The following FRAS1 variants were observed in gnomAD, a reference collection of about 807,000 sequenced individuals.
The protein encoded by FRAS1 is extracellular matrix organizing protein FRAS1.
Under a neutral mutation model 435.2 loss-of-function variants are expected in FRAS1, and 290 were observed. That is an observed-to-expected ratio of 0.67 (90% CI 0.61 to 0.73). The LOEUF (loss-of-function observed/expected upper bound fraction) is 0.73. FRAS1 is among the 30% of genes least tolerant of loss of function. The pLI is 0.00. For synonymous variants in FRAS1, 1,800 were observed against 1,851.0 expected (o/e 0.97, Z 0.71); for missense variants, 4,860 against 5,001.5 (o/e 0.97, Z 0.85).
At chr4:78,189,424 G>A (rs114202282) in intron 2 of FRAS1, among the ~76,000 whole-genome samples, 241 of 152,262 alleles carry the variant, frequency 1.6e-3, no homozygotes, top group African/African-American at 5.6e-3. Flanking sequence ...GAACTTCCCT[G>A]TGTCTTCTTG....
intron 20 of FRAS1, among the ~76,000 whole-genome samples, chr4:78,344,586 A>ATTTT (rs112149675): frequency 0.093 from 13,128 of 141,532 alleles, 747 homozygotes; most frequent in African/African-American, 0.13. Context: ...CTCAAGAATG[A>ATTTT]TTTTTTTTTT....
intron 38 of FRAS1, among the ~76,000 whole-genome samples, chr4:78,434,882 A>G (rs1375274590): frequency 6.6e-6 from 1 of 152,236 alleles, no homozygotes; most frequent in Non-Finnish European, 1.5e-5. Flanking sequence ...ACAGATGTTT[A>G]AAACGTATTA....
At chr4:78,518,454 T>TATATATATA (rs1560423230) in intron 66 of FRAS1, among the ~76,000 whole-genome samples, 100 of 100,816 alleles carry the variant, frequency 9.9e-4, no homozygotes, top group African/African-American at 3.6e-3. Flanking sequence ...ATATATATAT[T>TATATATATA]TATTTATTTA....
At chr4:78,329,088 C>A (rs1729831323) in intron 18 of FRAS1, among the ~76,000 whole-genome samples, 1 of 152,214 alleles carries the variant, frequency 6.6e-6, no homozygotes, top group African/African-American at 2.4e-5. Context: ...CTCTCAGTAT[C>A]AACGTAGACC....
intron 40 of FRAS1, among the ~76,000 whole-genome samples, chr4:78,440,224 G>A (rs939911157): frequency 4.0e-5 from 6 of 151,368 alleles, no homozygotes; most frequent in Admixed American, 6.6e-5. Context: ...AGTAGAGACG[G>A]GGTTTCACCT....
intron 4 of FRAS1, among the ~76,000 whole-genome samples, chr4:78,249,230 G>A (rs1307963384): frequency 6.7e-6 from 1 of 149,284 alleles, no homozygotes; most frequent in East Asian, 2.0e-4. Context: ...TTGTCTCCTG[G>A]AGAGATGTGA....
intron 22 of FRAS1, among the ~76,000 whole-genome samples, chr4:78,365,013 A>G (rs6832281): frequency 0.17 from 25,397 of 152,108 alleles, 2,717 homozygotes; most frequent in East Asian, 0.34. Context: ...GATAATAACA[A>G]TACCTACATT....
intron 2 of FRAS1, among the ~76,000 whole-genome samples, chr4:78,168,079 G>A (rs1210887631): frequency 6.6e-6 from 1 of 151,906 alleles, no homozygotes; most frequent in Non-Finnish European, 1.5e-5. Flanking sequence ...AGTGATAACT[G>A]TTCACATGTG....
chr4:78,250,042 ATATAATTTAAAGAC>A (rs1393396915), intron 4 of FRAS1, among the ~76,000 whole-genome samples: 5 of 152,232 alleles, frequency 3.3e-5, no homozygotes, highest in South Asian at 4.2e-4. Context: ...AGTCAAATAT[ATATAATTTAAAGAC>A]TATAGTCTTT....
chr4:78,226,076 A>T (rs1458195689), intron 2 of FRAS1, among the ~76,000 whole-genome samples: 2 of 152,128 alleles, frequency 1.3e-5, no homozygotes, highest in African/African-American at 4.8e-5. Context: ...GTTACCCTAG[A>T]TATTACAATG....
chr4:78,358,364 C>A (rs1260841361), intron 20 of FRAS1, among the ~76,000 whole-genome samples: 1 of 152,132 alleles, frequency 6.6e-6, no homozygotes, highest in African/African-American at 2.4e-5. Flanking sequence ...TCATAAATGG[C>A]TCTTGAAATA....
rs756636403 is a variant in FRAS1 at position 78,278,749 on chromosome 4, G to A, written c.1071+5G>A. 2.4e-5 allele frequency: 37 copies of A among 1,517,612 alleles called. No homozygotes were observed. The highest frequency in any genetic ancestry group is 1.7e-4 in the South Asian group (15 of 87,814). 94.0% of individuals were successfully genotyped at this position (1,517,612 alleles called of 1,614,324 possible). On this transcript the variant is annotated splice_donor_5th_base_variant and intron_variant, in intron 10 of 73. Transcript: ENST00000512123. ...TATGAAGAAACTGGAGAATTTGTGAGTATCAGGCTTATAACCGAAGATGAT... is the reference window on the plus strand; with the variant it reads ...TATGAAGAAACTGGAGAATTTGTGAATATCAGGCTTATAACCGAAGATGAT...
At chr4:78,409,000 G>GGGAGGATCACTTGAGCCTGGGAGGT (rs201015620) in intron 31 of FRAS1, among the ~76,000 whole-genome samples, 2 of 148,374 alleles carry the variant, frequency 1.3e-5, no homozygotes, top group South Asian at 2.2e-4. Context: ...GCAGCTAGGC[G>GGGAGGATCACTTGAGCCTGGGAGGT]GGAGGATCAC....
chr4:78,274,045 G>C (rs1726862626), intron 9 of FRAS1, among the ~76,000 whole-genome samples: 1 of 152,128 alleles, frequency 6.6e-6, no homozygotes, highest in African/African-American at 2.4e-5. Context: ...AGTCTTGGGA[G>C]GGTGTATGTG....
intron 18 of FRAS1, among the ~76,000 whole-genome samples, chr4:78,324,388 C>A (rs1729634631): frequency 6.6e-6 from 1 of 152,128 alleles, no homozygotes; most frequent in African/African-American, 2.4e-5. Flanking sequence ...GGCAACACTA[C>A]CTATAACCCT....
Position 78,489,073 on chromosome 4 carries a change from G to C in FRAS1, c.8951G>C (p.Gly2984Ala). Residue 2984 changes from glycine to alanine, a missense_variant, in exon 59 of 74, where the codon GGG becomes GCG. Gly to Ala is a moderately conservative substitution (Grantham distance 60, BLOSUM62 0). Transcript: ENST00000512123. Reference protein sequence around the residue: ...ADSSRITFLKGDKVKNCTVYI... With the variant: ...ADSSRITFLKADKVKNCTVYI... Reference sequence around the variant, plus strand: ...TCTTCACGGATTACATTTCTCAAAGGGGACAAAGTAAGTGGATTGGTGGTG... The same window carrying C: ...TCTTCACGGATTACATTTCTCAAAGCGGACAAAGTAAGTGGATTGGTGGTG... The C allele has an allele frequency of 6.2e-7, 1 of 1,611,962 alleles. No individual in the cohort carries two copies. Among genetic ancestry groups the C allele is most frequent in the Non-Finnish European group, 8.5e-7 (1 of 1,179,352 alleles).
In FRAS1 at chr4:78,387,412, G is replaced by A; in HGVS notation, c.3686G>A (p.Ser1229Asn). ...CTGAGAAATGAAGTTCTCCACATTA[G>A]CAGAGGAGAGAGGGCAACCATCACC... ...YVLRNEVLHISRGERATITTQ... is the reference protein window; with the variant it reads ...YVLRNEVLHINRGERATITTQ... Residue 1229 changes from serine (S) to asparagine (N), a missense_variant, in exon 29 of 74, where the codon AGC (serine) becomes AAC (asparagine). Transcript: ENST00000512123. 2 of 1,612,906 alleles carry A rather than the reference G, an allele frequency of 1.2e-6. No individual in the cohort carries two copies. Among genetic ancestry groups the A allele is most frequent in the Non-Finnish European group, 1.7e-6 (2 of 1,179,348 alleles).
At chr4:78,323,498 C>T (rs561935656) in intron 18 of FRAS1, among the ~76,000 whole-genome samples, 1 of 152,168 alleles carries the variant, frequency 6.6e-6, no homozygotes, top group South Asian at 2.1e-4. Context: ...ACCTGCATCC[C>T]CCAAAACAAC....
intron 14 of FRAS1, among the ~76,000 whole-genome samples, chr4:78,300,991 T>C (rs1245406225): frequency 6.6e-6 from 1 of 152,246 alleles, no homozygotes; most frequent in Non-Finnish European, 1.5e-5. Flanking sequence ...TAATCATCCC[T>C]ACCTTTTTTG....
Sources: allele counts gnomAD v4.1 joint callset (sites outside exome capture counted in the v4.1 genomes callset), GRCh38; gene constraint gnomAD v4.1.1; transcripts MANE v1.5; gene names NCBI Gene and HGNC (gene_info 2026-07-23, HGNC 2026-07-21).